The following CFAP20DC variants were observed in gnomAD, a reference collection of about 807,000 sequenced individuals.
CFAP20DC encodes the protein protein CFAP20DC.
In CFAP20DC, 84 loss-of-function variants were observed where a neutral mutation model predicts 101.7. That is an observed-to-expected ratio of 0.83 (90% CI 0.69 to 0.99). CFAP20DC has a LOEUF of 0.99. Among genes scored for constraint, CFAP20DC ranks in the 50% least tolerant of loss-of-function variants. The probability of loss-of-function intolerance (pLI) is 0.00; values close to 1 mark genes in which losing one functional copy is unlikely to be tolerated. For synonymous variants in CFAP20DC, 359 were observed against 351.2 expected (o/e 1.02, Z -0.25); for missense variants, 1,007 against 970.3 (o/e 1.04, Z -0.50).
chr3:58,917,036 A>C (rs1013961616), intron 5 of CFAP20DC, among the ~76,000 whole-genome samples: 2 of 152,174 alleles, frequency 1.3e-5, no homozygotes, highest in African/African-American at 4.8e-5. Context: ...AAATAACTTG[A>C]TCTAAAATAT....
rs13324777 is a variant in CFAP20DC at position 58,941,158 on chromosome 3, G to A, written c.279-3396C>T. 4.3e-3 allele frequency among the ~76,000 whole-genome samples: 644 copies of A among 151,492 alleles called. 9 individuals carry two copies. The highest frequency in any genetic ancestry group is 0.015 in the African/African-American group (617 of 41,330). ...ATCCTGGTCAACATGGTGAAACCTC[G>A]TCTCTACTAAAAATACAGAAATTAG... On this transcript the variant is annotated intron_variant, in intron 4 of 16. Transcript: ENST00000482387.
At chr3:58,821,994 A>G (rs1304358033) in intron 14 of CFAP20DC, among the ~76,000 whole-genome samples, 4 of 144,148 alleles carry the variant, frequency 2.8e-5, no homozygotes, top group Non-Finnish European at 4.5e-5. Context: ...TGTCCTTTGT[A>G]GGGACATGGA....
chr3:59,014,766 T>C lies in CFAP20DC; in HGVS notation c.278+24791A>G, dbSNP rs1057275844. ...TACTACATATGGTGGTAGTACTACA[T>C]AATGGTGGAAGGCAGTAGTACTACA... On this transcript the variant is annotated intron_variant, in intron 4 of 16. Transcript: ENST00000482387. The surrounding 1 kb of genome is among the most constrained non-coding windows in gnomAD (Gnocchi z 4.9). Among the ~76,000 whole-genome samples the C allele has an allele frequency of 1.3e-5, 2 of 152,112 alleles. No individual in the cohort carries two copies. Among genetic ancestry groups the C allele is most frequent in the African/African-American group, 4.8e-5 (2 of 41,414 alleles).
rs1353094919 is a variant in CFAP20DC, at chr3:58,869,277, T to C, written c.1015+51A>G. 3 of 1,424,926 alleles carry C rather than the reference T, an allele frequency of 2.1e-6. No homozygotes were observed. The highest frequency in any genetic ancestry group is 2.9e-6 in the Non-Finnish European group (3 of 1,035,518). 88.3% of individuals were successfully genotyped at this position (1,424,926 alleles called of 1,614,324 possible). ...CTGCTGATTTATCTTAACAAGAACA[T>C]TTCTCACTATTTTCACTAGCTATCA... On this transcript the variant is annotated intron_variant, in intron 9 of 16. Coordinates refer to ENST00000482387, the MANE Select transcript of CFAP20DC (RefSeq NM_001394063.1). The surrounding 1 kb of genome is among the most constrained non-coding windows in gnomAD (Gnocchi z 4.3).
intron 14 of CFAP20DC, among the ~76,000 whole-genome samples, chr3:58,816,984 T>A (rs1179756307): frequency 2.0e-5 from 3 of 152,158 alleles, no homozygotes; most frequent in African/African-American, 7.2e-5. Context: ...CCCTGGCCCC[T>A]GACCCCCGAG....
Position 58,788,313 on chromosome 3 carries a change from A to G in CFAP20DC, c.2237+18082T>C, listed in dbSNP as rs2072556224. Among the ~76,000 whole-genome samples, 2 of 152,108 alleles carry G rather than the reference A, an allele frequency of 1.3e-5. No individual in the cohort carries two copies. The highest frequency in any genetic ancestry group is 6.6e-5 in the Admixed American group (1 of 15,254). ...ATGTTTCTAATATAATGGGCCCCTC[A>G]GATGAACAAATTAAATTCACATTTA... On this transcript the variant is annotated intron_variant, in intron 15 of 16. Transcript: ENST00000482387. This position sits in a 1 kb window ranked among gnomAD's most constrained non-coding sequence, Gnocchi z 4.2.
chr3:58,848,574 T>C (rs928594090), intron 13 of CFAP20DC, among the ~76,000 whole-genome samples: 2 of 152,166 alleles, frequency 1.3e-5, no homozygotes, highest in African/African-American at 2.4e-5. Flanking sequence ...ACTGTTTTAA[T>C]GTTAACCTTC....
intron 5 of CFAP20DC, among the ~76,000 whole-genome samples, chr3:58,931,455 G>A (rs1273998177): frequency 6.6e-6 from 1 of 152,210 alleles, no homozygotes; most frequent in Non-Finnish European, 1.5e-5. Flanking sequence ...ATCTAAGAAC[G>A]GGCAGACTGC....
At chr3:58,739,096 A>AT (rs1303911789), downstream of CFAP20DC, among the ~76,000 whole-genome samples, 1 of 152,326 alleles carries the variant, frequency 6.6e-6, no homozygotes, top group East Asian at 1.9e-4. Context: ...ATAGGGCAAG[A>AT]TTTTTTTGGC....
At chr3:58,932,949 A>G (rs2086932627) in intron 5 of CFAP20DC, among the ~76,000 whole-genome samples, 1 of 152,222 alleles carries the variant, frequency 6.6e-6, no homozygotes, top group Admixed American at 6.5e-5. Flanking sequence ...TAAATGGACT[A>G]AATGCTCCAA....
intron 6 of CFAP20DC, among the ~76,000 whole-genome samples, chr3:58,886,847 A>G (rs546055672): frequency 6.6e-6 from 1 of 152,320 alleles, no homozygotes; most frequent in East Asian, 1.9e-4. Context: ...ATTTCTATAT[A>G]TGTTTGATTT....
rs1304164818 is a variant in CFAP20DC at position 58,721,617 on chromosome 3, A to C, written c.198-3989T>G. On this transcript the variant is annotated intron_variant, in intron 3 of 3. Coordinates refer to the CFAP20DC transcript ENST00000486145. The surrounding 1 kb of genome is among the most constrained non-coding windows in gnomAD (Gnocchi z 5.2). Reference sequence around the variant, plus strand: ...GGAAAGTAAAAGAACCCTAAAGAGCAGTGTGGCTGGGGAGAGAAGAGCCAT... The same window carrying C: ...GGAAAGTAAAAGAACCCTAAAGAGCCGTGTGGCTGGGGAGAGAAGAGCCAT... Among the ~76,000 whole-genome samples, 1 of 152,200 alleles carries C rather than the reference A, an allele frequency of 6.6e-6. No individual in the cohort carries two copies. The highest frequency in any genetic ancestry group is 2.4e-5 in the African/African-American group (1 of 41,458).
chr3:58,862,201 A>C (rs1471433498), intron 12 of CFAP20DC: 1 of 984,262 alleles, frequency 1.0e-6, no homozygotes, highest in East Asian at 1.1e-4. Context: ...CTTTTGCATT[A>C]GTAAGAGAGA....
chr3:58,838,283 C>T (rs929238173), intron 13 of CFAP20DC, among the ~76,000 whole-genome samples: 3 of 152,144 alleles, frequency 2.0e-5, no homozygotes, highest in African/African-American at 4.8e-5. Context: ...TAGGCCATAA[C>T]CAGCTGGTCA....
intron 6 of CFAP20DC, among the ~76,000 whole-genome samples, chr3:58,904,039 AG>A (rs945072527): frequency 6.6e-6 from 1 of 152,188 alleles, no homozygotes; most frequent in African/African-American, 2.4e-5. Flanking sequence ...TCTGCAAAAA[AG>A]CCCATTGGAA....
intron 15 of CFAP20DC, among the ~76,000 whole-genome samples, chr3:58,777,524 T>C (rs2071442099): frequency 6.6e-6 from 1 of 152,202 alleles, no homozygotes; most frequent in East Asian, 1.9e-4. Flanking sequence ...TCCTCACTCA[T>C]GTCAATCAAA....
At chr3:59,029,902 A>G (rs147956950) in intron 4 of CFAP20DC, among the ~76,000 whole-genome samples, 95 of 152,302 alleles carry the variant, frequency 6.2e-4, no homozygotes, top group African/African-American at 2.2e-3. Flanking sequence ...GAGGAATTCA[A>G]TTACCTATCG....
intron 12 of CFAP20DC, among the ~76,000 whole-genome samples, chr3:58,851,848 C>T (rs1316751290): frequency 2.0e-5 from 3 of 152,100 alleles, no homozygotes; most frequent in Admixed American, 1.3e-4. Flanking sequence ...GATTTCCCAA[C>T]AAAACTCTTG....
chr3:58,882,012 G>A lies in CFAP20DC; in HGVS notation c.715+2533C>T, dbSNP rs751944050. ...ATTTACAGAAAGAGAACCACAAAGT[G>A]CAATTTATGTTTGTGTAATCTTAGC... On this transcript the variant is annotated intron_variant, in intron 7 of 16. Transcript: ENST00000482387. The surrounding 1 kb of genome is among the most constrained non-coding windows in gnomAD (Gnocchi z 4.2). 6.8e-4 allele frequency among the ~76,000 whole-genome samples: 103 copies of A among 152,182 alleles called. No individual in the cohort carries two copies. The highest frequency in any genetic ancestry group is 9.4e-4 in the Non-Finnish European group (64 of 67,962).
Sources: allele counts gnomAD v4.1 joint callset (sites outside exome capture counted in the v4.1 genomes callset), GRCh38; gene constraint gnomAD v4.1.1; non-coding constraint Gnocchi (gnomAD v3.1); transcripts MANE v1.5; gene names NCBI Gene and HGNC (gene_info 2026-07-23, HGNC 2026-07-21).